Variants in MAN2B2 observed in about 807,000 individuals in gnomAD.
MAN2B2 encodes epididymis-specific alpha-mannosidase.
Under a neutral mutation model 117.1 loss-of-function variants are expected in MAN2B2, and 106 were observed. The observed-to-expected ratio is 0.90, with a 90% CI of 0.77 to 1.06. The LOEUF is 1.06. MAN2B2 is among the 50% of genes least tolerant of loss of function. MAN2B2 has a pLI of 0.00. For missense variants in MAN2B2, 1,326 were observed against 1,381.4 expected (o/e 0.96, Z 0.64); for synonymous variants, 544 against 595.1 (o/e 0.91, Z 1.25).
chr4:6,587,236 C>A, intron 4 of MAN2B2, 68 bp downstream of exon 4: 3 of 1,547,448 alleles, frequency 1.9e-6, no homozygotes, highest in Non-Finnish European at 2.6e-6. Flanking sequence ...AATCAGAGCA[C>A]GGTAGAAAGC....
At chr4:6,611,335 G>A in intron 15 of MAN2B2, 57 bp downstream of exon 15, 2 of 1,515,366 alleles carry the variant, frequency 1.3e-6, no homozygotes, top group Non-Finnish European at 1.8e-6. Context: ...AGCCAGGCCA[G>A]GGCGGGCCTT....
At position 6,599,965 on chromosome 4, in the gene MAN2B2, G is replaced by T. The variant is rs949750896; in HGVS notation, c.1406-658G>T. On this transcript the variant is annotated intron_variant, in intron 9 of 18. Transcript: ENST00000285599. The stretch of plus-strand genomic sequence containing the variant: ...CTGTCATTCCAATGAACACACAGGA[G>T]AGGCTTCCCCAAGCTGTGAATAGGT... 6.6e-5 allele frequency among the ~76,000 whole-genome samples: 10 copies of T among 152,270 alleles called. No homozygotes were observed. In the East Asian group the frequency reaches 2.0e-3, roughly 30 times the overall value.
At position 6,614,254 on chromosome 4, in the gene MAN2B2, A is replaced by T. The variant is rs140642403; in HGVS notation, c.2600A>T (p.Glu867Val). 1.2e-6 allele frequency: 2 copies of T among 1,614,090 alleles called. No homozygotes were observed. Among genetic ancestry groups the T allele is most frequent in the Non-Finnish European group, 1.7e-6 (2 of 1,179,982 alleles). ...APKLPGPQQQ[E>V]AVTLPPNLHL... is the part of the protein sequence containing the mutation. The stretch of plus-strand genomic sequence containing the variant: ...AAGCTCCCAGGACCCCAGCAGCAAG[A>T]GGCCGTGACGCTGCCCCCGAATCTT... The change falls in exon 16 of 19, where the codon GAG becomes GTG. Residue 867 changes from glutamate to valine, a missense_variant. By Grantham distance (121) the Glu-to-Val change is moderately radical. Transcript: ENST00000285599.
At chr4:6,613,735 AAGGGAGGGGACGGG>A (rs1401460465) in intron 15 of MAN2B2, among the ~76,000 whole-genome samples, 1 of 133,446 alleles carries the variant, frequency 7.5e-6, no homozygotes, top group Non-Finnish European at 1.6e-5. Context: ...AAGGGAACGG[AAGGGAGGGGACGGG>A]AGGGAAAAGA....
intron 2 of MAN2B2, among the ~76,000 whole-genome samples, chr4:6,576,992 C>T (rs1726089618): frequency 6.6e-6 from 1 of 152,176 alleles, no homozygotes; most frequent in Non-Finnish European, 1.5e-5. Context: ...CACTTCCGTG[C>T]CAGCTGGCAC....
At chr4:6,611,807 A>G (rs1438566696) in intron 15 of MAN2B2, among the ~76,000 whole-genome samples, 2 of 152,164 alleles carry the variant, frequency 1.3e-5, no homozygotes, top group African/African-American at 4.8e-5. Flanking sequence ...AGTAAAAATA[A>G]AAGACAAGTT....
rs752686928 is a variant in MAN2B2, at chr4:6,617,407, TCCG to T, written c.2733_2735del (p.Arg912del). On this transcript the variant is annotated inframe_deletion, in exon 17 of 19. Transcript: ENST00000285599. ...CATCGAGGGGAAGCCCAGGCTGACCTCCGCCGTGTCCTGCTGCGGCTCTACCAC... is the reference window on the plus strand; with the variant it reads ...CATCGAGGGGAAGCCCAGGCTGACCTCCGTGTCCTGCTGCGGCTCTACCAC... The T allele has an allele frequency of 6.2e-7, 1 of 1,614,032 alleles. No individual in the cohort carries two copies. The highest frequency in any genetic ancestry group is 8.5e-7 in the Non-Finnish European group (1 of 1,179,976).
In MAN2B2 at chr4:6,614,253, G is replaced by C. The variant is rs372129935; in HGVS notation, c.2599G>C (p.Glu867Gln). 1.2e-6 allele frequency: 2 copies of C among 1,614,100 alleles called. No homozygotes were observed. Among genetic ancestry groups the C allele is most frequent in the African/African-American group, 1.3e-5 (1 of 75,040 alleles). ...GAAGCTCCCAGGACCCCAGCAGCAAGAGGCCGTGACGCTGCCCCCGAATCT... is the reference window on the plus strand; with the variant it reads ...GAAGCTCCCAGGACCCCAGCAGCAACAGGCCGTGACGCTGCCCCCGAATCT... ...APKLPGPQQQ[E>Q]AVTLPPNLHL... is the part of the protein sequence containing the mutation. Residue 867 changes from glutamate to glutamine, a missense_variant, in exon 16 of 19, where the codon GAG becomes CAG. Glu to Gln is a conservative substitution (Grantham distance 29, BLOSUM62 2). Coordinates refer to ENST00000285599, the MANE Select transcript of MAN2B2 (RefSeq NM_015274.3).
chr4:6,614,416 C>G, intron 16 of MAN2B2, 61 bp downstream of exon 16: 1 of 1,582,734 alleles, frequency 6.3e-7, no homozygotes, highest in Non-Finnish European at 8.6e-7. Flanking sequence ...AACAGGCCAC[C>G]GGGCCCACCA....
At chr4:6,587,750 GTTTTTTTTT>G (rs201846526) in intron 4 of MAN2B2, among the ~76,000 whole-genome samples, 69 of 113,444 alleles carry the variant, frequency 6.1e-4, no homozygotes, top group African/African-American at 1.2e-3. Context: ...TTGGGTTGTT[GTTTTTTTTT>G]TTTTTTTTTT....
intron 9 of MAN2B2, among the ~76,000 whole-genome samples, chr4:6,599,428 C>T (rs1196368001): frequency 4.6e-5 from 7 of 151,912 alleles, no homozygotes; most frequent in Non-Finnish European, 7.4e-5. Flanking sequence ...TTTGGGAGGC[C>T]GAGGCGGGTG....
chr4:6,618,664 A>C (rs997141843), intron 17 of MAN2B2: 1 of 152,334 alleles, frequency 6.6e-6, no homozygotes, highest in African/African-American at 2.4e-5. Flanking sequence ...CTCCCTCCCC[A>C]GAAGGCATGA....
chr4:6,592,568 C>T (rs6446512), intron 5 of MAN2B2, among the ~76,000 whole-genome samples: 2 of 151,950 alleles, frequency 1.3e-5, no homozygotes, highest in Non-Finnish European at 2.9e-5. Flanking sequence ...CATATCACTG[C>T]ACTCCAGCCT....
intron 6 of MAN2B2, among the ~76,000 whole-genome samples, chr4:6,593,890 GC>G (rs925190311): frequency 3.9e-5 from 6 of 152,144 alleles, no homozygotes; most frequent in African/African-American, 1.4e-4. Flanking sequence ...GGAAACCAAG[GC>G]CCAGAGAGGT....
Position 6,605,280 on chromosome 4 carries a change from A to G in MAN2B2, c.1765A>G (p.Ile589Val), listed in dbSNP as rs773192521. ...GGTGCCTGTGGCAAACGACTGCTAC[A>G]TTGTGCTGCTCGACCAGGATACCAA... The part of the protein sequence containing the change: ...YLVPVANDCY[I>V]VLLDQDTNLM... The change falls in exon 11 of 19, where the codon ATT (isoleucine) becomes GTT (valine). Residue 589 changes from isoleucine to valine, a missense_variant. Ile to Val is a conservative substitution (Grantham distance 29, BLOSUM62 3). Transcript: ENST00000285599. 4 of 1,613,958 alleles carry G rather than the reference A, an allele frequency of 2.5e-6. No individual in the cohort carries two copies. Among genetic ancestry groups the G allele is most frequent in the African/African-American group, 1.3e-5 (1 of 74,934 alleles).
intron 3 of MAN2B2, among the ~76,000 whole-genome samples, chr4:6,582,484 G>A (rs1004811542): frequency 3.9e-5 from 6 of 151,922 alleles, no homozygotes; most frequent in Non-Finnish European, 5.9e-5. Flanking sequence ...GAGTACAGGC[G>A]TGCACCACCA....
At chr4:6,619,617 G>A (rs1712061600) in intron 17 of MAN2B2, 1 of 306,234 alleles carries the variant, frequency 3.3e-6, no homozygotes, top group South Asian at 3.1e-5. Context: ...AGCAATGTGG[G>A]GAGAGGAGAA....
chr4:6,579,087 TCACCATCACCAG>T (rs1726213673), intron 3 of MAN2B2, among the ~76,000 whole-genome samples: 13 of 29,490 alleles, frequency 4.4e-4, no homozygotes, highest in East Asian at 3.9e-3. Context: ...ACCACCACCA[TCACCATCACCAG>T]CACCACCACC....
intron 17 of MAN2B2, chr4:6,618,322 GACA>G (rs1560103987): frequency 6.6e-6 from 1 of 152,202 alleles, no homozygotes; most frequent in Non-Finnish European, 1.5e-5. Flanking sequence ...TTAAAACACA[GACA>G]ACATCTGTGT....
Sources: gnomAD v4.1 joint callset for allele counts (sites outside exome capture counted in the v4.1 genomes callset) on GRCh38, gnomAD v4.1.1 for gene constraint, MANE v1.5 for transcripts, NCBI Gene and HGNC (gene_info 2026-07-23, HGNC 2026-07-21) for gene names.